Variants in RIMS1 observed in about 807,000 individuals in gnomAD.
RIMS1 encodes regulating synaptic membrane exocytosis 1, also known as regulating synaptic membrane exocytosis protein 1.
Under a neutral mutation model 214.1 loss-of-function variants are expected in RIMS1, and 83 were observed. The ratio of observed to expected loss-of-function variants is 0.39; its 90% CI spans 0.32 to 0.47. The LOEUF (loss-of-function observed/expected upper bound fraction) is 0.47, where lower values mean the gene tolerates loss of function less well. RIMS1 is among the 20% of genes least tolerant of loss of function. The pLI is 0.99. For synonymous variants in RIMS1, 793 were observed against 786.8 expected, an observed-to-expected ratio of 1.01 and a Z score of -0.13; for missense variants, 2,050 against 2,161.8, an observed-to-expected ratio of 0.95 and a Z score of 1.03.
intron 2 of RIMS1, among the ~76,000 whole-genome samples, chr6:72,069,059 A>G (rs1239353214): frequency 6.6e-6 from 1 of 152,170 alleles, no homozygotes; most frequent in East Asian, 1.9e-4. Context: ...GGAGTAATAC[A>G]ATTAAAGTAC....
chr6:72,122,187 A>T (rs1472501390), intron 4 of RIMS1, among the ~76,000 whole-genome samples: 7 of 141,564 alleles, frequency 4.9e-5, no homozygotes, highest in Admixed American at 2.2e-4. Flanking sequence ...GTTAGGGAGG[A>T]TTCCCTCTTT....
At chr6:72,331,169 T>A (rs1376588449) in intron 28 of RIMS1, among the ~76,000 whole-genome samples, 1 of 151,746 alleles carries the variant, frequency 6.6e-6, no homozygotes, top group Non-Finnish European at 1.5e-5. Context: ...ATAGTAGACA[T>A]TTCCCTATAC....
rs1368356404 is a variant in RIMS1 at position 72,400,861 on chromosome 6, G to A, written c.*147G>A. 3.2e-6 allele frequency: 2 copies of A among 629,416 alleles called. No homozygotes were observed. The highest frequency in any genetic ancestry group is 5.5e-6 in the Non-Finnish European group (2 of 364,552). The allele number at this position is 629,416 out of a possible 1,614,324, so 39.0% of individuals were successfully genotyped here. ...AGTTTTTCAATAATATGTCCCAATT[G>A]TTATTTAAAACATGGCTTCATATGA... is the stretch of plus-strand genomic sequence containing the variant. On this transcript the variant is annotated 3_prime_UTR_variant, in exon 34 of 34. Transcript: ENST00000521978.
At chr6:71,943,729 T>C (rs1014560135) in intron 1 of RIMS1, among the ~76,000 whole-genome samples, 1 of 152,194 alleles carries the variant, frequency 6.6e-6, no homozygotes, top group Non-Finnish European at 1.5e-5. Flanking sequence ...AATGTCAAAA[T>C]TGTAGCTGTC....
intron 27 of RIMS1, among the ~76,000 whole-genome samples, chr6:72,310,960 G>T (rs959573333): frequency 1.6e-4 from 25 of 151,974 alleles, no homozygotes; most frequent in African/African-American, 5.3e-4. Flanking sequence ...AATAACAAAG[G>T]TCTGTATACA....
intron 1 of RIMS1, among the ~76,000 whole-genome samples, chr6:71,962,436 C>T (rs1321923575): frequency 6.6e-6 from 1 of 152,110 alleles, no homozygotes; most frequent in East Asian, 1.9e-4. Context: ...ACCTATCTTC[C>T]ATGCCTTTTG....
At chr6:71,937,437 G>C (rs562038321) in intron 1 of RIMS1, among the ~76,000 whole-genome samples, 20 of 152,182 alleles carry the variant, frequency 1.3e-4, no homozygotes, top group African/African-American at 4.8e-4. Flanking sequence ...ATTTTTTATA[G>C]AGACAGGGTT....
At chr6:71,890,777 G>A (rs1769576643) in intron 1 of RIMS1, among the ~76,000 whole-genome samples, 1 of 151,970 alleles carries the variant, frequency 6.6e-6, no homozygotes, top group Admixed American at 6.6e-5. Flanking sequence ...ATGCCAAATA[G>A]TTAAACTGTG....
chr6:72,145,420 T>A (rs1378001813), intron 4 of RIMS1, among the ~76,000 whole-genome samples: 1 of 152,126 alleles, frequency 6.6e-6, no homozygotes, highest in African/African-American at 2.4e-5. Flanking sequence ...CAAGTCCACC[T>A]GGTCAACATG....
At position 72,388,921 on chromosome 6, in the gene RIMS1, A is replaced by G. The variant is rs535980550; in HGVS notation, c.4367-1677A>G. Among the ~76,000 whole-genome samples, 6 of 152,298 alleles carry G rather than the reference A, an allele frequency of 3.9e-5. No homozygotes were observed. The South Asian group carries it at 6.2e-4, about 16-fold the overall frequency. On this transcript the variant is annotated intron_variant, in intron 29 of 33. Transcript: ENST00000521978. ...GCCTATCAGATCTGTAAATGGAGCTACTAGGCAATTGGATTAATGACTTCA... is the reference window on the plus strand; with the variant it reads ...GCCTATCAGATCTGTAAATGGAGCTGCTAGGCAATTGGATTAATGACTTCA...
chr6:72,150,954 A>C (rs922492896), intron 4 of RIMS1, among the ~76,000 whole-genome samples: 1 of 152,248 alleles, frequency 6.6e-6, no homozygotes, highest in Admixed American at 6.5e-5. Context: ...TAGATGGACC[A>C]TGGTGACAGT....
intron 16 of RIMS1, among the ~76,000 whole-genome samples, chr6:72,255,879 T>C (rs1459886796): frequency 6.6e-6 from 1 of 151,760 alleles, no homozygotes; most frequent in African/African-American, 2.4e-5. Flanking sequence ...CTACTAAAAG[T>C]ACAAAAATTA....
chr6:72,069,024 T>A (rs1464101752), intron 2 of RIMS1, among the ~76,000 whole-genome samples: 4 of 151,810 alleles, frequency 2.6e-5, no homozygotes, highest in African/African-American at 9.7e-5. Flanking sequence ...GAGGGAGTAA[T>A]CTATAGTAGA....
At chr6:72,175,152 A>G (rs2047528656) in intron 4 of RIMS1, among the ~76,000 whole-genome samples, 1 of 152,216 alleles carries the variant, frequency 6.6e-6, no homozygotes, top group South Asian at 2.1e-4. Flanking sequence ...GAGCAACTGT[A>G]ATTGACTATC....
chr6:71,890,193 C>T (rs1769196761), intron 1 of RIMS1, among the ~76,000 whole-genome samples: 1 of 152,012 alleles, frequency 6.6e-6, no homozygotes, highest in Non-Finnish European at 1.5e-5. Flanking sequence ...AATCAAGCTA[C>T]TTTAAAATCA....
chr6:72,074,567 AGGT>A (rs1474365494), intron 2 of RIMS1, among the ~76,000 whole-genome samples: 2 of 152,148 alleles, frequency 1.3e-5, no homozygotes, highest in African/African-American at 4.8e-5. Flanking sequence ...CAGGAGGCTG[AGGT>A]GGTAGAATTA....
intron 29 of RIMS1, among the ~76,000 whole-genome samples, chr6:72,340,438 A>G (rs2097025495): frequency 6.6e-6 from 1 of 151,994 alleles, no homozygotes; most frequent in Non-Finnish European, 1.5e-5. Flanking sequence ...TAAGTCTTTA[A>G]TCCATCTTGA....
At chr6:72,193,925 G>C (rs2050457449) in intron 6 of RIMS1, among the ~76,000 whole-genome samples, 1 of 152,008 alleles carries the variant, frequency 6.6e-6, no homozygotes, top group Non-Finnish European at 1.5e-5. Flanking sequence ...AGGATGATCT[G>C]GGAAGAAATT....
chr6:72,239,680 T>G (rs1287986079), intron 9 of RIMS1, among the ~76,000 whole-genome samples: 1 of 152,204 alleles, frequency 6.6e-6, no homozygotes, highest in Non-Finnish European at 1.5e-5. Context: ...CTACTGCTAC[T>G]TCATTTAACC....
Sources: allele counts gnomAD v4.1 joint callset (sites outside exome capture counted in the v4.1 genomes callset), GRCh38; gene constraint gnomAD v4.1.1; transcripts MANE v1.5; gene names NCBI Gene and HGNC (gene_info 2026-07-23, HGNC 2026-07-21).